Variants in TRPC5 observed in about 807,000 individuals in gnomAD.
TRPC5 encodes the protein transient receptor potential cation channel subfamily C member 5.
Under a neutral mutation model 56.5 loss-of-function variants are expected in TRPC5, and 9 were observed. The observed-to-expected ratio is 0.16, with a 90% CI of 0.10 to 0.28. The LOEUF is 0.28. TRPC5 is among the 10% of genes least tolerant of loss of function. TRPC5 has a pLI of 1.00. For missense variants in TRPC5, 469 were observed against 748.9 expected (o/e 0.63, Z 4.36); for synonymous variants, 282 against 278.5 (o/e 1.01, Z -0.13).
chrX:112,012,617 A>G (rs1929021527), intron 1 of TRPC5, among the ~76,000 whole-genome samples: 1 of 111,145 alleles, frequency 9.0e-6, no homozygotes, highest in East Asian at 2.8e-4. Context: ...CTCTTCACAG[A>G]TGAGTCTGTG....
chrX:111,852,350 A>C lies in TRPC5; in HGVS notation c.1325T>G (p.Met442Arg). 1 of 1,210,475 alleles carries C rather than the reference A, an allele frequency of 8.3e-7. No individual in the cohort carries two copies. The highest frequency in any genetic ancestry group is 1.1e-6 in the Non-Finnish European group (1 of 894,320). Residue 442 changes from methionine to arginine, a missense_variant, in exon 5 of 11, where the codon ATG (methionine) becomes AGG (arginine). Around this residue, in one of 3 missense-constraint regions of TRPC5, gnomAD observed 157 missense variants for 360.0 expected, o/e 0.44. Transcript: ENST00000262839. ...HDWWNLMDFAMNSLYLATISL... is the reference protein window; with the variant it reads ...HDWWNLMDFARNSLYLATISL... ...AATAGTTGCCAGGTAGAGGGAGTTCATTGCAAAATCCATCAGGTTCCACCA... is the reference window on the plus strand; with the variant it reads ...AATAGTTGCCAGGTAGAGGGAGTTCCTTGCAAAATCCATCAGGTTCCACCA...
intron 1 of TRPC5, among the ~76,000 whole-genome samples, chrX:111,992,385 G>C (rs906660725): frequency 1.7e-4 from 19 of 111,313 alleles, no homozygotes; most frequent in African/African-American, 5.5e-4. Context: ...AGCATTTGAA[G>C]ATATACATTT....
At chrX:111,964,793 CA>C (rs1305865511) in intron 1 of TRPC5, among the ~76,000 whole-genome samples, 1 of 111,223 alleles carries the variant, frequency 9.0e-6, no homozygotes, top group Non-Finnish European at 1.9e-5. Flanking sequence ...TTGTCACCAC[CA>C]GGCCTGCCCT....
At chrX:111,816,826 G>A (rs923960335) in intron 7 of TRPC5, among the ~76,000 whole-genome samples, 1 of 111,982 alleles carries the variant, frequency 8.9e-6, no homozygotes, top group African/African-American at 3.2e-5. Context: ...CCTTAATGGA[G>A]TAGGATGGAG....
At chrX:111,952,522 C>A in intron 1 of TRPC5, 81 bp from the exon 2 acceptor site, 1 of 970,065 alleles carries the variant, frequency 1.0e-6, no homozygotes, top group Non-Finnish European at 1.4e-6. Flanking sequence ...GGCAGCCCTG[C>A]TAAGGGGTTA....
chrX:112,050,682 T>C, intron 1 of TRPC5, among the ~76,000 whole-genome samples: 1 of 112,268 alleles, frequency 8.9e-6, no homozygotes, highest in East Asian at 2.8e-4. Flanking sequence ...AGTTTAGTTT[T>C]TCCTACTCTG....
At chrX:111,987,505 C>T (rs932460840) in intron 1 of TRPC5, among the ~76,000 whole-genome samples, 3 of 110,955 alleles carry the variant, frequency 2.7e-5, no homozygotes, top group African/African-American at 9.8e-5. Flanking sequence ...TACCTTTTGA[C>T]CTTCATCTCC....
At position 111,771,739 on chromosome X, in the gene TRPC5, T is replaced by TA. The variant is rs1421813694; in HGVS notation, c.*4573dup. Among the ~76,000 whole-genome samples, 4 of 109,970 alleles carry TA rather than the reference T, an allele frequency of 3.6e-5. No homozygotes were observed. The highest frequency in any genetic ancestry group is 3.8e-4 in the South Asian group (1 of 2,607). On this transcript the variant is annotated 3_prime_UTR_variant, in exon 11 of 11. Transcript: ENST00000262839. ...TTATTTTGCCAAAAATGTGTATATT[T>TA]AAGTCTTCCAGGTAAGTTATTCTGA... is the stretch of plus-strand genomic sequence containing the variant.
chrX:111,782,668 G>A (rs1012006587), intron 7 of TRPC5, among the ~76,000 whole-genome samples: 1 of 111,015 alleles, frequency 9.0e-6, no homozygotes, highest in Non-Finnish European at 1.9e-5. Flanking sequence ...TTAAGGTGTC[G>A]GATTGTGGTG....
chrX:111,979,535 A>G (rs918698380), intron 1 of TRPC5, among the ~76,000 whole-genome samples: 30 of 111,676 alleles, frequency 2.7e-4, no homozygotes, highest in African/African-American at 9.7e-4. Flanking sequence ...AAATGAAAAC[A>G]TGAGTTACAG....
At chrX:111,983,030 C>A (rs1928122508) in intron 1 of TRPC5, among the ~76,000 whole-genome samples, 2 of 111,524 alleles carry the variant, frequency 1.8e-5, no homozygotes, top group South Asian at 7.6e-4. Flanking sequence ...TTCTTTCAAG[C>A]CAGCTGCTTT....
chrX:112,069,958 C>G (rs1930677935), intron 1 of TRPC5, among the ~76,000 whole-genome samples: 1 of 112,076 alleles, frequency 8.9e-6, no homozygotes, highest in African/African-American at 3.2e-5. Context: ...CATTCTCTCT[C>G]CACAAAAGTC....
chrX:111,907,824 T>C (rs1925682271), intron 3 of TRPC5, among the ~76,000 whole-genome samples: 1 of 110,825 alleles, frequency 9.0e-6, no homozygotes, highest in Non-Finnish European at 1.9e-5. Flanking sequence ...TTTTTTATGC[T>C]TGTGGCCCTA....
At chrX:111,906,648 T>C (rs982053020) in intron 3 of TRPC5, among the ~76,000 whole-genome samples, 11 of 102,387 alleles carry the variant, frequency 1.1e-4, no homozygotes, top group African/African-American at 3.7e-4. Flanking sequence ...TAAAAAGACA[T>C]GTTGTCTATT....
At chrX:111,894,882 A>G (rs1924987565) in intron 3 of TRPC5, among the ~76,000 whole-genome samples, 1 of 111,490 alleles carries the variant, frequency 9.0e-6, no homozygotes, top group Non-Finnish European at 1.9e-5. Context: ...TTCCCAGTCA[A>G]TAACCCCCTA....
chrX:111,914,028 C>T (rs973633840), intron 2 of TRPC5, among the ~76,000 whole-genome samples: 1 of 109,231 alleles, frequency 9.2e-6, no homozygotes, highest in African/African-American at 3.3e-5. Context: ...GAAACTGAGG[C>T]AGCTTGCTAG....
At chrX:111,810,829 G>A (rs1286151740) in intron 7 of TRPC5, among the ~76,000 whole-genome samples, 1 of 111,345 alleles carries the variant, frequency 9.0e-6, no homozygotes, top group Admixed American at 9.6e-5. Flanking sequence ...CTTTCAAGTA[G>A]TTTGGTACTA....
chrX:111,950,052 C>T (rs758523431), intron 2 of TRPC5, among the ~76,000 whole-genome samples: 39 of 111,493 alleles, frequency 3.5e-4, no homozygotes, highest in East Asian at 2.5e-3. Context: ...TGGCTGGGCG[C>T]GGTGGCTCAC....
At chrX:111,877,442 C>T (rs892165314) in intron 3 of TRPC5, among the ~76,000 whole-genome samples, 7 of 110,809 alleles carry the variant, frequency 6.3e-5, no homozygotes, top group Non-Finnish European at 1.1e-4. Flanking sequence ...GAGGGAATTC[C>T]GAGGACACGG....
Sources: allele counts gnomAD v4.1 joint callset (sites outside exome capture counted in the v4.1 genomes callset), GRCh38; gene constraint gnomAD v4.1.1; regional missense constraint gnomAD v4.1.1; transcripts MANE v1.5; gene names NCBI Gene and HGNC (gene_info 2026-07-23, HGNC 2026-07-21).